The following RASEF variants were observed in gnomAD, a reference collection of about 807,000 sequenced individuals.
The protein encoded by RASEF is ras and EF-hand domain-containing protein.
RASEF carries 68 observed loss-of-function variants against 90.1 expected under a neutral mutation model. The ratio of observed to expected loss-of-function variants is 0.75; its 90% CI spans 0.62 to 0.92. RASEF has a LOEUF of 0.92. Among genes scored for constraint, RASEF ranks in the 40% least tolerant of loss-of-function variants. RASEF has a pLI of 0.00. For missense variants in RASEF, 949 were observed against 937.2 expected (o/e 1.01, Z -0.16); for synonymous variants, 331 against 345.2 (o/e 0.96, Z 0.46).
chr9:83,137,785 T>C, the RASEF span, among the ~76,000 whole-genome samples: 2 of 78,784 alleles, frequency 2.5e-5, no homozygotes, highest in Non-Finnish European at 4.7e-5. Flanking sequence ...TTTTTATACA[T>C]GAAGTGATTG....
chr9:83,017,245 G>T (rs1035167360), intron 3 of RASEF, among the ~76,000 whole-genome samples: 9 of 151,846 alleles, frequency 5.9e-5, no homozygotes, highest in African/African-American at 2.2e-4. Flanking sequence ...CAACACTCTG[G>T]GAGGCCGAGG....
chr9:83,033,788 T>C (rs1421411699), intron 1 of RASEF, among the ~76,000 whole-genome samples: 2 of 152,220 alleles, frequency 1.3e-5, no homozygotes, highest in Non-Finnish European at 2.9e-5. Context: ...CAGCTTTTAC[T>C]CTAGAATAGG....
intron 15 of RASEF, among the ~76,000 whole-genome samples, chr9:82,991,494 A>G (rs1172312503): frequency 6.6e-6 from 1 of 152,196 alleles, no homozygotes; most frequent in African/African-American, 2.4e-5. Flanking sequence ...GGTGTGGGTT[A>G]AACAGTCCTG....
the RASEF span, among the ~76,000 whole-genome samples, chr9:83,071,364 T>A: frequency 2.6e-5 from 4 of 152,204 alleles, no homozygotes; most frequent in Non-Finnish European, 4.4e-5. Context: ...GCTTCTGGCA[T>A]CTACTTAAAT....
At chr9:83,025,743 A>G (rs776656186) in intron 2 of RASEF, 32 bp downstream of exon 2, 2 of 1,607,270 alleles carry the variant, frequency 1.2e-6, no homozygotes, top group Non-Finnish European at 1.7e-6. Flanking sequence ...TAAAGCACCC[A>G]CAGGCCACTT....
intron 1 of RASEF, among the ~76,000 whole-genome samples, chr9:83,061,661 T>C (rs1438918015): frequency 6.6e-6 from 1 of 152,178 alleles, no homozygotes; most frequent in African/African-American, 2.4e-5. Context: ...AGGCATCCCC[T>C]TACCTCCTGA....
chr9:83,186,008 C>T, the RASEF span, among the ~76,000 whole-genome samples: 1 of 152,134 alleles, frequency 6.6e-6, no homozygotes, highest in South Asian at 2.1e-4. Flanking sequence ...TGATTTATCC[C>T]TGCGTCGTTT....
chr9:83,115,546 T>C, the RASEF span, among the ~76,000 whole-genome samples: 2 of 152,184 alleles, frequency 1.3e-5, no homozygotes, highest in African/African-American at 4.8e-5. Context: ...GGCATTTTCT[T>C]CTCTTCCATT....
At chr9:83,022,452 T>C in intron 2 of RASEF, 26 bp from the exon 3 acceptor site, 1 of 1,521,012 alleles carries the variant, frequency 6.6e-7, no homozygotes, top group Non-Finnish European at 9.1e-7. Context: ...ATGCACACCT[T>C]TTCATTATAC....
the RASEF span, among the ~76,000 whole-genome samples, chr9:83,134,785 CAT>C: frequency 4.8e-3 from 729 of 152,222 alleles, 7 homozygotes; most frequent in African/African-American, 0.017. Flanking sequence ...AAAATAAACA[CAT>C]GTCTACACAA....
the RASEF span, among the ~76,000 whole-genome samples, chr9:83,175,607 G>A: frequency 6.6e-6 from 1 of 150,904 alleles, no homozygotes; most frequent in Non-Finnish European, 1.5e-5. Flanking sequence ...TTAAGATGGA[G>A]TCTCACTCTG....
At chr9:83,106,239 C>T in the RASEF span, among the ~76,000 whole-genome samples, 2 of 152,178 alleles carry the variant, frequency 1.3e-5, no homozygotes, top group Non-Finnish European at 2.9e-5. Context: ...AGAGAGATCC[C>T]TGATGCAAAT....
chr9:83,168,183 T>A, the RASEF span, among the ~76,000 whole-genome samples: 11 of 152,166 alleles, frequency 7.2e-5, no homozygotes, highest in African/African-American at 2.7e-4. Context: ...GATTTATTTT[T>A]TATTGTAGCC....
chr9:83,183,722 A>G, the RASEF span, among the ~76,000 whole-genome samples: 1 of 152,210 alleles, frequency 6.6e-6, no homozygotes, highest in Non-Finnish European at 1.5e-5. Flanking sequence ...ACTTATGGAG[A>G]AAACATTCTC....
chr9:83,118,285 T>C, the RASEF span, among the ~76,000 whole-genome samples: 11 of 152,136 alleles, frequency 7.2e-5, no homozygotes, highest in African/African-American at 2.4e-4. Context: ...AAAAAAGTTA[T>C]ATCACAGTAA....
intron 16 of RASEF, among the ~76,000 whole-genome samples, chr9:82,985,582 GAA>G (rs1828697082): frequency 6.6e-6 from 1 of 152,180 alleles, no homozygotes; most frequent in African/African-American, 2.4e-5. Context: ...TTGGACGCAA[GAA>G]AGTAAATATT....
the RASEF span, among the ~76,000 whole-genome samples, chr9:83,218,576 C>T: frequency 6.6e-6 from 1 of 152,142 alleles, no homozygotes; most frequent in African/African-American, 2.4e-5. Flanking sequence ...TGAAGCACCT[C>T]TGAGGTATGC....
chr9:83,126,263 G>A, the RASEF span, among the ~76,000 whole-genome samples: 1 of 152,208 alleles, frequency 6.6e-6, no homozygotes, highest in East Asian at 1.9e-4. Context: ...TAGGATTAGT[G>A]CTCCTGTAAG....
intron 14 of RASEF, among the ~76,000 whole-genome samples, chr9:82,996,031 ATCATTT>A (rs1828912776): frequency 6.6e-6 from 1 of 152,208 alleles, no homozygotes; most frequent in Non-Finnish European, 1.5e-5. Context: ...TGTGTTTACA[ATCATTT>A]TAAGCCATGA....
Sources: allele counts gnomAD v4.1 joint callset (sites outside exome capture counted in the v4.1 genomes callset), GRCh38; gene constraint gnomAD v4.1.1; transcripts MANE v1.5; gene names NCBI Gene and HGNC (gene_info 2026-07-23, HGNC 2026-07-21).